Variants in GSG1L observed in about 807,000 individuals in gnomAD.
GSG1L encodes germ cell-specific gene 1-like protein.
Under a neutral mutation model 42.1 loss-of-function variants are expected in GSG1L, and 24 were observed. The observed-to-expected ratio is 0.57, with a 90% CI of 0.41 to 0.80. GSG1L has a LOEUF of 0.80. Among genes scored for constraint, GSG1L ranks in the 30% least tolerant of loss-of-function variants. The probability of loss-of-function intolerance (pLI) is 0.00; values close to 1 mark genes in which losing one functional copy is unlikely to be tolerated. For missense variants in GSG1L, 445 were observed against 472.2 expected (o/e 0.94, Z 0.53); for synonymous variants, 215 against 203.5 (o/e 1.06, Z -0.48).
intron 2 of GSG1L, among the ~76,000 whole-genome samples, chr16:27,899,761 A>G (rs2084235721): frequency 1.3e-5 from 2 of 152,102 alleles, no homozygotes; most frequent in South Asian, 4.1e-4. Context: ...AAGAGGCATA[A>G]CCCAGGGTTC....
At chr16:27,907,888 C>G (rs1037057507) in intron 2 of GSG1L, among the ~76,000 whole-genome samples, 2 of 152,220 alleles carry the variant, frequency 1.3e-5, no homozygotes, top group African/African-American at 4.8e-5. Context: ...CATTGGCCCA[C>G]TCTTGCCCAT....
In GSG1L at chr16:27,914,505, T is replaced by C. The variant is rs897715621; in HGVS notation, c.398-29867A>G. 4.0e-5 allele frequency among the ~76,000 whole-genome samples: 6 copies of C among 151,834 alleles called. No individual in the cohort carries two copies. The East Asian group carries it at 1.2e-3, about 29-fold the overall frequency. ...AGCTGTTTTAGAAGCGTTTTCTCTT[T>C]CTTTTCCTTTTTCTTTTCTTTTCTA... On this transcript the variant is annotated intron_variant, in intron 2 of 6. Transcript: ENST00000447459.
chr16:27,953,424 C>T (rs1313449099), intron 2 of GSG1L, among the ~76,000 whole-genome samples: 1 of 152,046 alleles, frequency 6.6e-6, no homozygotes, highest in Non-Finnish European at 1.5e-5. Context: ...TATAGTTTTC[C>T]ATTAGGTGTG....
At chr16:27,839,960 G>C (rs117389510) in intron 4 of GSG1L, among the ~76,000 whole-genome samples, 1,959 of 152,194 alleles carry the variant, frequency 0.013, 16 homozygotes, top group Non-Finnish European at 0.02. Context: ...ATCAGTGACA[G>C]GACCAGGCAA....
At chr16:27,882,568 C>T (rs533481725) in intron 3 of GSG1L, among the ~76,000 whole-genome samples, 3 of 152,214 alleles carry the variant, frequency 2.0e-5, no homozygotes, top group East Asian at 1.9e-4. Context: ...CAGAATATGC[C>T]GCATCATCAG....
At chr16:27,842,214 C>T (rs1645351) in intron 4 of GSG1L, among the ~76,000 whole-genome samples, 41,726 of 139,504 alleles carry the variant, frequency 0.3, 6,831 homozygotes, top group East Asian at 0.42. Flanking sequence ...CGTTGTTGCG[C>T]GTGTTAAATT....
At chr16:27,820,049 G>A (rs1320808826) in intron 5 of GSG1L, among the ~76,000 whole-genome samples, 4 of 152,154 alleles carry the variant, frequency 2.6e-5, no homozygotes, top group Non-Finnish European at 5.9e-5. Context: ...GCATCTGTCA[G>A]GACTGCAGGT....
rs139424199 is a variant in GSG1L at position 28,003,479 on chromosome 16, T to C, written c.350-40276A>G. On this transcript the variant is annotated intron_variant, in intron 1 of 6. Coordinates refer to ENST00000447459, the MANE Select transcript of GSG1L (RefSeq NM_001109763.2). ...CCAGCCCTACAGAAGCCAACCCACC[T>C]CCCAGAGTCCTCCAAACTCCCAGGA... Among the ~76,000 whole-genome samples the C allele has an allele frequency of 7.6e-4, 115 of 152,010 alleles. 1 individual carries two copies. The East Asian group carries it at 0.021, about 28-fold the overall frequency.
intron 1 of GSG1L, among the ~76,000 whole-genome samples, chr16:28,037,732 A>C (rs1330653514): frequency 6.6e-6 from 1 of 152,238 alleles, no homozygotes; most frequent in African/African-American, 2.4e-5. Context: ...ATCAAATTGC[A>C]ATGGACCAAA....
chr16:27,981,843 A>G (rs2085329946), intron 1 of GSG1L, among the ~76,000 whole-genome samples: 1 of 152,248 alleles, frequency 6.6e-6, no homozygotes, highest in Non-Finnish European at 1.5e-5. Flanking sequence ...CTTATCTAAA[A>G]TTAGAATTAT....
In GSG1L at chr16:27,888,297, G is replaced by A. The variant is rs145181352; in HGVS notation, c.398-3659C>T. On this transcript the variant is annotated intron_variant, in intron 2 of 6. Coordinates refer to ENST00000447459, the MANE Select transcript of GSG1L (RefSeq NM_001109763.2). ...CAGAAGTGATGGGAGATGGGCCAGAGCTTGGAGGTGGGGATGCTCCGGAAG... is the reference window on the plus strand; with the variant it reads ...CAGAAGTGATGGGAGATGGGCCAGAACTTGGAGGTGGGGATGCTCCGGAAG... The A allele has an allele frequency of 2.9e-3, 525 of 179,702 alleles. 3 individuals carry two copies. Among genetic ancestry groups the A allele is most frequent in the African/African-American group, 0.012 (503 of 42,136 alleles). 11.1% of individuals were successfully genotyped at this position (179,702 alleles called of 1,614,324 possible).
At chr16:27,911,280 T>TCTCTCTCTCTCTCTCTCTC (rs150893140) in intron 2 of GSG1L, among the ~76,000 whole-genome samples, 164 of 144,286 alleles carry the variant, frequency 1.1e-3, no homozygotes, top group African/African-American at 2.3e-3. Context: ...TCTCTCTCTC[T>TCTCTCTCTCTCTCTCTCTC]CTCTCTCTCT....
intron 2 of GSG1L, among the ~76,000 whole-genome samples, chr16:27,946,614 AGAGAGAGAGAG>A (rs2084869340): frequency 1.3e-4 from 2 of 15,154 alleles, no homozygotes; most frequent in African/African-American, 4.9e-4. Context: ...AGAGAGAGAG[AGAGAGAGAGAG>A]AGAGAGAAAG....
chr16:27,987,967 A>AAAC (rs2085407234), intron 1 of GSG1L, among the ~76,000 whole-genome samples: 1 of 147,994 alleles, frequency 6.8e-6, no homozygotes, highest in East Asian at 2.0e-4. Flanking sequence ...AAAAAAAAAA[A>AAAC]CCGGAAAAGA....
chr16:28,011,649 G>A (rs1412507550), intron 1 of GSG1L, among the ~76,000 whole-genome samples: 4 of 152,306 alleles, frequency 2.6e-5, no homozygotes, highest in Middle Eastern at 3.4e-3. Flanking sequence ...TGGCCCCAAT[G>A]TCCATCTGCC....
At chr16:28,045,009 G>T (rs1482760268) in intron 1 of GSG1L, among the ~76,000 whole-genome samples, 1 of 152,166 alleles carries the variant, frequency 6.6e-6, no homozygotes, top group Non-Finnish European at 1.5e-5. Flanking sequence ...TTTTGGAAAA[G>T]GCAAAACCAT....
intron 5 of GSG1L, among the ~76,000 whole-genome samples, chr16:27,810,120 C>T (rs942710205): frequency 1.3e-5 from 2 of 152,326 alleles, no homozygotes; most frequent in African/African-American, 2.4e-5. Flanking sequence ...ATGTCTCTTT[C>T]GTAACCTCTG....
intron 1 of GSG1L, among the ~76,000 whole-genome samples, chr16:28,019,688 C>T (rs2085817127): frequency 6.6e-6 from 1 of 152,218 alleles, no homozygotes; most frequent in African/African-American, 2.4e-5. Flanking sequence ...TACAGGACAG[C>T]TCAAGCATCA....
At chr16:27,901,756 C>T (rs796703187) in intron 2 of GSG1L, among the ~76,000 whole-genome samples, 22 of 152,326 alleles carry the variant, frequency 1.4e-4, no homozygotes, top group African/African-American at 4.6e-4. Context: ...GGTGATGCCC[C>T]GTAGTGCTTG....
Sources: allele counts gnomAD v4.1 joint callset (sites outside exome capture counted in the v4.1 genomes callset), GRCh38; gene constraint gnomAD v4.1.1; transcripts MANE v1.5; gene names NCBI Gene and HGNC (gene_info 2026-07-23, HGNC 2026-07-21).